RNF19B: variants seen among roughly 807,000 people sequenced by gnomAD.
The protein encoded by RNF19B is E3 ubiquitin-protein ligase RNF19B.
Under a neutral mutation model 65.5 loss-of-function variants are expected in RNF19B, and 23 were observed. That is an observed-to-expected ratio of 0.35 (90% CI 0.25 to 0.50). RNF19B has a LOEUF of 0.50. Among genes scored for constraint, RNF19B ranks in the 20% least tolerant of loss-of-function variants. RNF19B has a pLI of 0.98. For missense variants in RNF19B, 794 were observed against 980.0 expected (o/e 0.81, Z 2.53); for synonymous variants, 372 against 379.6 (o/e 0.98, Z 0.23).
chr1:32,929,517 G>A, the RNF19B span, among the ~76,000 whole-genome samples: 1 of 152,150 alleles, frequency 6.6e-6, no homozygotes, highest in African/African-American at 2.4e-5. Flanking sequence ...CTGGCTTAGG[G>A]CCAGTTTCCA....
intron 8 of RNF19B, among the ~76,000 whole-genome samples, chr1:32,938,140 C>CAAAAAAAAAAAAAAAAAAAAAAAAAAAA (rs80176999): frequency 2.2e-5 from 1 of 46,042 alleles, no homozygotes; most frequent in East Asian, 6.7e-4. Context: ...CCAAGAAAGA[C>CAAAAAAAAAAAAAAAAAAAAAAAAAAAA]AAAAAAAAAA....
At chr1:32,939,047 TTCTG>T (rs1289733280) in intron 7 of RNF19B, among the ~76,000 whole-genome samples, 1 of 152,246 alleles carries the variant, frequency 6.6e-6, no homozygotes, top group Non-Finnish European at 1.5e-5. Context: ...GCACATGCTA[TTCTG>T]TCTCTCTAGA....
chr1:32,942,413 G>A lies in RNF19B; in HGVS notation c.1449C>T (p.Ser483=). 6.2e-7 allele frequency: 1 copy of A among 1,614,162 alleles called. No homozygotes were observed. Among genetic ancestry groups the A allele is most frequent in the African/African-American group, 1.3e-5 (1 of 75,052 alleles). The change falls in exon 7 of 9, where the codon AGC becomes AGT. Residue 483 remains serine (S), a synonymous_variant. Coordinates refer to ENST00000235150, the MANE Select transcript of RNF19B (RefSeq NM_001300826.2). ...ATACACTAGTCAGGCCTTCAATGCT[G>A]CTTTCCCCAATGCTGGGATTCTTGA... The part of the protein sequence containing the change: ...RALKNPSIGE[S]SIEGLTSVLS...
chr1:32,944,722 T>C (rs1332787256), intron 5 of RNF19B, among the ~76,000 whole-genome samples: 2 of 151,872 alleles, frequency 1.3e-5, no homozygotes, highest in Admixed American at 6.6e-5. Flanking sequence ...GGAGTCTCAC[T>C]CTGTTGCCCA....
chr1:32,947,142 A>C (rs1435646149), intron 3 of RNF19B, among the ~76,000 whole-genome samples: 4 of 152,190 alleles, frequency 2.6e-5, no homozygotes, highest in African/African-American at 9.7e-5. Flanking sequence ...CTCCACTAGA[A>C]GGGATAAACA....
At chr1:32,952,440 A>C (rs1178709561) in intron 1 of RNF19B, among the ~76,000 whole-genome samples, 3 of 146,682 alleles carry the variant, frequency 2.0e-5, no homozygotes, top group Admixed American at 1.4e-4. Context: ...AAAAAAAAAA[A>C]AAAAAAAAAA....
chr1:32,943,938 C>T (rs1214947600), intron 6 of RNF19B, 81 bp downstream of exon 6: 25 of 1,363,884 alleles, frequency 1.8e-5, no homozygotes, highest in Non-Finnish European at 2.4e-5. Flanking sequence ...ATGACAATCT[C>T]CCTGTAAAAT....
chr1:32,939,124 C>T (rs1156481138), intron 7 of RNF19B, among the ~76,000 whole-genome samples: 1 of 152,178 alleles, frequency 6.6e-6, no homozygotes, highest in African/African-American at 2.4e-5. Context: ...ACTATCACTT[C>T]CCCTCATTAT....
In RNF19B at chr1:32,957,504, G is replaced by C. The variant is rs1300954553; in HGVS notation, c.635+6547C>G. 1.3e-5 allele frequency among the ~76,000 whole-genome samples: 2 copies of C among 152,110 alleles called. 1 individual carries two copies. The highest frequency in any genetic ancestry group is 4.1e-4 in the South Asian group (2 of 4,832). On this transcript the variant is annotated intron_variant, in intron 1 of 8. Coordinates refer to ENST00000235150, the MANE Select transcript of RNF19B (RefSeq NM_001300826.2). Reference sequence around the variant, plus strand: ...GTCTAAGTTCTTTTTGAAATACCCAGTACTCACCCAGGGTTCAACAGTGTA... The same window carrying C: ...GTCTAAGTTCTTTTTGAAATACCCACTACTCACCCAGGGTTCAACAGTGTA...
intron 8 of RNF19B, among the ~76,000 whole-genome samples, chr1:32,937,951 C>G (rs1642143174): frequency 6.6e-6 from 1 of 151,368 alleles, no homozygotes; most frequent in Non-Finnish European, 1.5e-5. Flanking sequence ...GCCAGAATAC[C>G]TACTAGTGGG....
intron 7 of RNF19B, among the ~76,000 whole-genome samples, chr1:32,941,571 TA>T (rs1570084759): frequency 6.6e-6 from 1 of 151,704 alleles, no homozygotes; most frequent in Admixed American, 6.6e-5. Flanking sequence ...TAAGCCATGA[TA>T]CAGCATAAAT....
At chr1:32,961,140 G>A (rs1010263307) in intron 1 of RNF19B, among the ~76,000 whole-genome samples, 5 of 152,142 alleles carry the variant, frequency 3.3e-5, no homozygotes, top group African/African-American at 9.7e-5. Context: ...TCAAAACACC[G>A]TGTAAACATT....
chr1:32,932,757 C>T (rs945773013), downstream of RNF19B, among the ~76,000 whole-genome samples: 4 of 151,900 alleles, frequency 2.6e-5, no homozygotes, highest in African/African-American at 9.7e-5. Flanking sequence ...AGTTGTTTGG[C>T]TAATCTACAC....
At chr1:32,931,780 CCAT>C (rs1257813883), downstream of RNF19B, among the ~76,000 whole-genome samples, 11 of 152,192 alleles carry the variant, frequency 7.2e-5, no homozygotes, top group Non-Finnish European at 1.6e-4. Context: ...AGTGTAGTCA[CCAT>C]CATTTGTCCC....
In RNF19B at chr1:32,945,646, A is replaced by T. The variant is rs975874092; in HGVS notation, c.1147-18T>A. On this transcript the variant is annotated intron_variant, in intron 4 of 8. Transcript: ENST00000235150. The stretch of plus-strand genomic sequence containing the variant: ...CTGTGAATCTAAGAATAAAAAAAGA[A>T]AATCCAGGTCAGCAGGTTAGGACAT... 4 of 1,494,078 alleles carry T rather than the reference A, an allele frequency of 2.7e-6. No homozygotes were observed. The highest frequency in any genetic ancestry group is 3.7e-6 in the Non-Finnish European group (4 of 1,071,376). 92.6% of individuals were successfully genotyped at this position (1,494,078 alleles called of 1,614,324 possible). A position where few individuals can be genotyped will look rare whatever the true frequency, so the allele number is the denominator to read the frequency against.
chr1:32,947,062 G>T (rs1402111592), intron 3 of RNF19B, among the ~76,000 whole-genome samples: 1 of 152,164 alleles, frequency 6.6e-6, no homozygotes, highest in African/African-American at 2.4e-5. Context: ...TTGGTATTCT[G>T]AGTTTGGCTA....
At position 32,964,760 on chromosome 1, in the gene RNF19B, C is replaced by A; in HGVS notation, c.-75G>T. 1 of 1,261,076 alleles carries A rather than the reference C, an allele frequency of 7.9e-7. No individual in the cohort carries two copies. Among genetic ancestry groups the A allele is most frequent in the Non-Finnish European group, 1.0e-6 (1 of 994,748 alleles). 78.1% of individuals were successfully genotyped at this position (1,261,076 alleles called of 1,614,324 possible). A position where few individuals can be genotyped will look rare whatever the true frequency, so the allele number is the denominator to read the frequency against. On this transcript the variant is annotated 5_prime_UTR_variant, in exon 1 of 9. Transcript: ENST00000235150. This position sits in a 1 kb window ranked among gnomAD's most constrained non-coding sequence, Gnocchi z 6.5. ...CGCCTCAGCGCCCCTCAGCCAGCGCCCGGCCGCCGCCGACGCCGCCACCAC... is the reference window on the plus strand; with the variant it reads ...CGCCTCAGCGCCCCTCAGCCAGCGCACGGCCGCCGCCGACGCCGCCACCAC...
intron 3 of RNF19B, 69 bp downstream of exon 3, chr1:32,948,153 T>C (rs1642410927): frequency 6.5e-7 from 1 of 1,537,624 alleles, no homozygotes; most frequent in Non-Finnish European, 8.9e-7. Context: ...TGTGTCTTTT[T>C]GACATCCTTT....
At chr1:32,948,049 G>C (rs886172891) in intron 3 of RNF19B, among the ~76,000 whole-genome samples, 173 bp downstream of exon 3, 1 of 152,158 alleles carries the variant, frequency 6.6e-6, no homozygotes, top group African/African-American at 2.4e-5. Context: ...GCAAAGAAAG[G>C]TAGAAACAGA....
Sources: allele counts gnomAD v4.1 joint callset (sites outside exome capture counted in the v4.1 genomes callset), GRCh38; gene constraint gnomAD v4.1.1; non-coding constraint Gnocchi (gnomAD v3.1); transcripts MANE v1.5; gene names NCBI Gene and HGNC (gene_info 2026-07-23, HGNC 2026-07-21).